Variants in TBCK observed in about 807,000 individuals in gnomAD.
TBCK encodes TBC1 domain containing kinase.
In TBCK, 99 loss-of-function variants were observed where a neutral mutation model predicts 113.4. The observed-to-expected ratio is 0.87, with a 90% CI of 0.74 to 1.03. TBCK has a LOEUF of 1.03. Among genes scored for constraint, TBCK ranks in the 50% least tolerant of loss-of-function variants. The probability of loss-of-function intolerance (pLI) is 0.00; values close to 1 mark genes in which losing one functional copy is unlikely to be tolerated. For missense variants in TBCK, 1,045 were observed against 1,061.3 expected (o/e 0.98, Z 0.21); for synonymous variants, 369 against 370.8 (o/e 1.00, Z 0.05).
chr4:106,251,380 AAG>A (rs1405743270), intron 6 of TBCK, among the ~76,000 whole-genome samples: 1 of 151,994 alleles, frequency 6.6e-6, no homozygotes, highest in African/African-American at 2.4e-5. Context: ...TTATAGAAAA[AAG>A]AGATGCTTTG....
Position 106,123,481 on chromosome 4 carries a change from A to C in TBCK, c.2236-7103T>G, listed in dbSNP as rs551622035. 5.2e-3 allele frequency among the ~76,000 whole-genome samples: 793 copies of C among 152,270 alleles called. 10 individuals carry two copies. The highest frequency in any genetic ancestry group is 0.017 in the African/African-American group (724 of 41,536). Reference sequence around the variant, plus strand: ...TTTACAGATTCAATGCCATCCCCATAAAGCTACCAATGACTTTCTTCACAG... The same window carrying C: ...TTTACAGATTCAATGCCATCCCCATCAAGCTACCAATGACTTTCTTCACAG... On this transcript the variant is annotated intron_variant, in intron 23 of 25. Coordinates refer to ENST00000394708, the MANE Select transcript of TBCK (RefSeq NM_001163435.3).
intron 19 of TBCK, among the ~76,000 whole-genome samples, chr4:106,216,210 C>A (rs1234302725): frequency 6.6e-6 from 1 of 151,008 alleles, no homozygotes; most frequent in Admixed American, 6.6e-5. Flanking sequence ...GGGACACATT[C>A]AAAGCAGTGT....
chr4:106,183,953 G>A (rs1752710323), intron 22 of TBCK, among the ~76,000 whole-genome samples: 1 of 151,792 alleles, frequency 6.6e-6, no homozygotes, highest in Admixed American at 6.6e-5. Context: ...ATCCCTTTAT[G>A]CTCCTAGCAG....
At chr4:106,183,202 C>T (rs1195147982) in intron 22 of TBCK, among the ~76,000 whole-genome samples, 1 of 152,042 alleles carries the variant, frequency 6.6e-6, no homozygotes, top group Non-Finnish European at 1.5e-5. Context: ...ATCCATCTTC[C>T]ATACTACAGC....
At position 106,233,654 on chromosome 4, in the gene TBCK, CA is replaced by C; in HGVS notation, c.1450-5del. On this transcript the variant is annotated splice_region_variant and splice_polypyrimidine_tract_variant and intron_variant, in intron 15 of 25. Transcript: ENST00000394708. The stretch of plus-strand genomic sequence containing the variant: ...CGTACTTGGCATGAATAGCTCCCTG[CA>C]AAAAATAAAAGAAGATATATTAATT... 6.3e-7 allele frequency: 1 copy of C among 1,599,848 alleles called. No homozygotes were observed. Among genetic ancestry groups the C allele is most frequent in the Non-Finnish European group, 8.5e-7 (1 of 1,170,462 alleles).
intron 3 of TBCK, among the ~76,000 whole-genome samples, chr4:106,288,646 T>C (rs932609922): frequency 5.3e-5 from 8 of 152,226 alleles, no homozygotes; most frequent in African/African-American, 1.2e-4. Flanking sequence ...TAATCTTCTA[T>C]GTCTGGCTTC....
At chr4:106,066,072 T>G (rs1216750261) in intron 25 of TBCK, among the ~76,000 whole-genome samples, 2 of 152,058 alleles carry the variant, frequency 1.3e-5, no homozygotes, top group Non-Finnish European at 2.9e-5. Context: ...AGTTAATGAA[T>G]ACATATTAAA....
intron 19 of TBCK, among the ~76,000 whole-genome samples, chr4:106,215,552 C>T (rs1405688619): frequency 6.6e-6 from 1 of 152,056 alleles, no homozygotes; most frequent in Non-Finnish European, 1.5e-5. Flanking sequence ...CAAAAAAAGG[C>T]AGGGGTTGCG....
intron 19 of TBCK, among the ~76,000 whole-genome samples, chr4:106,222,907 A>T (rs766730309): frequency 6.6e-6 from 1 of 152,134 alleles, no homozygotes; most frequent in East Asian, 1.9e-4. Context: ...AGAGAAAAGT[A>T]ATCTTTAGAG....
intron 4 of TBCK, among the ~76,000 whole-genome samples, chr4:106,261,381 C>T (rs1333668039): frequency 6.6e-6 from 1 of 151,966 alleles, no homozygotes; most frequent in Admixed American, 6.6e-5. Flanking sequence ...CTCCTGGGCT[C>T]AAGCAATGTT....
intron 22 of TBCK, among the ~76,000 whole-genome samples, chr4:106,172,584 T>C (rs1751163247): frequency 6.6e-6 from 1 of 152,112 alleles, no homozygotes; most frequent in African/African-American, 2.4e-5. Context: ...GAAAAATATA[T>C]TACATGTCAG....
At chr4:106,309,305 C>CTTTTT (rs536969885) in intron 1 of TBCK, among the ~76,000 whole-genome samples, 20 of 103,160 alleles carry the variant, frequency 1.9e-4, no homozygotes, top group Non-Finnish European at 2.8e-4. Flanking sequence ...AGGCTCTTCT[C>CTTTTT]TTTTTTTTTT....
At chr4:106,075,451 G>A (rs1309029530) in intron 25 of TBCK, among the ~76,000 whole-genome samples, 1 of 152,152 alleles carries the variant, frequency 6.6e-6, no homozygotes, top group Non-Finnish European at 1.5e-5. Flanking sequence ...GACTTATTTG[G>A]AATGTGATGG....
Position 106,110,586 on chromosome 4 carries a change from C to T in TBCK, c.2411+5617G>A, listed in dbSNP as rs537762122. 5.3e-5 allele frequency among the ~76,000 whole-genome samples: 8 copies of T among 152,272 alleles called. No homozygotes were observed. The South Asian group carries it at 1.5e-3, about 28-fold the overall frequency. ...AATGCAAACTACTGTTTCCCATAAC[C>T]CATGGTTTCTGAAAGAAGGTGCACT... is the stretch of plus-strand genomic sequence containing the variant. On this transcript the variant is annotated intron_variant, in intron 24 of 25. Coordinates refer to ENST00000394708, the MANE Select transcript of TBCK (RefSeq NM_001163435.3).
At chr4:106,192,844 T>A (rs1753804790) in intron 22 of TBCK, among the ~76,000 whole-genome samples, 1 of 152,104 alleles carries the variant, frequency 6.6e-6, no homozygotes, top group African/African-American at 2.4e-5. Flanking sequence ...GTGTTTATTA[T>A]CAGCAGTAAC....
chr4:106,265,549 C>T (rs1208939186), intron 3 of TBCK, among the ~76,000 whole-genome samples: 1 of 150,858 alleles, frequency 6.6e-6, no homozygotes, highest in African/African-American at 2.4e-5. Flanking sequence ...AGAGAGAGAG[C>T]AAGAGGGAAA....
intron 23 of TBCK, among the ~76,000 whole-genome samples, chr4:106,168,532 G>A (rs1309332183): frequency 1.3e-5 from 2 of 151,772 alleles, no homozygotes; most frequent in Non-Finnish European, 2.9e-5. Flanking sequence ...TGTACTAATT[G>A]GCAAGGAAGA....
intron 20 of TBCK, among the ~76,000 whole-genome samples, chr4:106,199,460 A>G (rs1486527885): frequency 6.6e-6 from 1 of 151,270 alleles, no homozygotes; most frequent in Non-Finnish European, 1.5e-5. Flanking sequence ...TTTCTTTTCT[A>G]TTTTTCTCCA....
At chr4:106,189,495 T>C (rs1753420781) in intron 22 of TBCK, among the ~76,000 whole-genome samples, 2 of 152,120 alleles carry the variant, frequency 1.3e-5, no homozygotes, top group Non-Finnish European at 2.9e-5. Flanking sequence ...TGAACAACTG[T>C]GTACTACAGT....
Sources: allele counts gnomAD v4.1 joint callset (sites outside exome capture counted in the v4.1 genomes callset), GRCh38; gene constraint gnomAD v4.1.1; transcripts MANE v1.5; gene names NCBI Gene and HGNC (gene_info 2026-07-23, HGNC 2026-07-21).